ADGRG2: variants seen among roughly 807,000 people sequenced by gnomAD.
The protein encoded by ADGRG2 is adhesion G protein-coupled receptor G2.
A neutral mutation model predicts 74.1 loss-of-function variants in ADGRG2; 26 were observed. The observed-to-expected ratio is 0.35, with a 90% confidence interval of 0.26 to 0.49. ADGRG2 has a LOEUF of 0.49. Among genes scored for constraint, ADGRG2 ranks in the 20% least tolerant of loss-of-function variants. The pLI is 0.99. For missense variants in ADGRG2, 619 were observed against 763.1 expected, an observed-to-expected ratio of 0.81 and a Z score of 2.22; for synonymous variants, 296 against 295.2, an observed-to-expected ratio of 1.00 and a Z score of -0.03.
intron 8 of ADGRG2, chrX:19,031,389 C>T (rs1005099828): frequency 7.3e-5 from 12 of 164,477 alleles, no homozygotes; most frequent in Non-Finnish European, 1.3e-4. Context: ...GGCCCTTAAT[C>T]ATAGATCCTC....
rs1225663518 is a variant in ADGRG2 at position 19,037,524 on chromosome X, T to C, written c.203-34A>G. 6.1e-6 allele frequency: 7 copies of C among 1,153,685 alleles called. No homozygotes were observed. The Admixed American group carries it at 1.4e-4, about 23-fold the overall frequency. ...CCCGAGGAGAAAAACAATACAAAGATATAATTAAAACAAAACTTTAACAAA... is the reference window on the plus strand; with the variant it reads ...CCCGAGGAGAAAAACAATACAAAGACATAATTAAAACAAAACTTTAACAAA... On this transcript the variant is annotated intron_variant, in intron 5 of 28. Transcript: ENST00000379869.
chrX:19,010,099 G>A lies in ADGRG2; in HGVS notation c.1266-317C>T, dbSNP rs868204854. On this transcript the variant is annotated intron_variant, in intron 17 of 28. Coordinates refer to ENST00000379869, the MANE Select transcript of ADGRG2 (RefSeq NM_001079858.3). ...GTTGGGATTACAGGCGTGAGCCATC[G>A]CGCCCAGCCTTGTTTTTGTTTTTGT... Among the ~76,000 whole-genome samples, 4 of 108,296 alleles carry A rather than the reference G, an allele frequency of 3.7e-5. No homozygotes were observed. In the South Asian group the frequency reaches 1.2e-3, roughly 32 times the overall value. The allele number at this position is 108,296 out of a possible 115,157, so 94.0% of individuals were successfully genotyped here. A position where few individuals can be genotyped will look rare whatever the true frequency, so the allele number is the denominator to read the frequency against.
At chrX:19,011,831 T>C (rs1008066378) in intron 16 of ADGRG2, among the ~76,000 whole-genome samples, 3 of 111,000 alleles carry the variant, frequency 2.7e-5, no homozygotes, top group African/African-American at 9.9e-5. Flanking sequence ...GGTGACAGAG[T>C]GAGACTCTCT....
chrX:19,038,155 C>A (rs1354178361), intron 4 of ADGRG2, among the ~76,000 whole-genome samples: 1 of 112,077 alleles, frequency 8.9e-6, no homozygotes, highest in African/African-American at 3.2e-5. Context: ...GCTATTAAGG[C>A]AATTAATCAA....
chrX:19,064,037 C>T (rs2061526930), intron 3 of ADGRG2, among the ~76,000 whole-genome samples: 1 of 111,914 alleles, frequency 8.9e-6, no homozygotes, highest in Admixed American at 9.4e-5. Context: ...AGGAAGCTGG[C>T]ATATTTAAAT....
chrX:19,108,703 C>A (rs1212129526), intron 1 of ADGRG2, among the ~76,000 whole-genome samples: 1 of 111,427 alleles, frequency 9.0e-6, no homozygotes, highest in Non-Finnish European at 1.9e-5. Flanking sequence ...AGAACAGGCA[C>A]AATATGTGGC....
At chrX:19,091,106 A>T (rs1299546185) in intron 1 of ADGRG2, among the ~76,000 whole-genome samples, 1 of 111,559 alleles carries the variant, frequency 9.0e-6, no homozygotes, top group Non-Finnish European at 1.9e-5. Context: ...CACTCATGTA[A>T]GGAACTGAAG....
chrX:19,042,493 C>T (rs749016853), intron 3 of ADGRG2, among the ~76,000 whole-genome samples: 1 of 111,423 alleles, frequency 9.0e-6, no homozygotes, highest in South Asian at 3.8e-4. Context: ...TCTCCACTGC[C>T]AAATCTGTTG....
intron 1 of ADGRG2, among the ~76,000 whole-genome samples, chrX:19,119,191 T>TA: frequency 8.9e-6 from 1 of 112,256 alleles, no homozygotes; most frequent in South Asian, 3.7e-4. Flanking sequence ...TGTAATAAGT[T>TA]ACACTTCAAT....
intron 13 of ADGRG2, among the ~76,000 whole-genome samples, chrX:19,022,697 TA>T (rs886966250): frequency 1.1e-4 from 12 of 111,592 alleles, no homozygotes; most frequent in South Asian, 3.8e-4. Flanking sequence ...TCTCTTTCTT[TA>T]AAAAAAATTT....
In ADGRG2 at chrX:19,071,884, C is replaced by A. The variant is rs1031393388; in HGVS notation, c.-1-3049G>T. On this transcript the variant is annotated intron_variant, in intron 2 of 28. Coordinates refer to ENST00000379869, the MANE Select transcript of ADGRG2 (RefSeq NM_001079858.3). ...GAACTTCAGTGCCACAGAAAATGCTCTCCTCTACAAATAGGCTTGACTGTA... is the reference window on the plus strand; with the variant it reads ...GAACTTCAGTGCCACAGAAAATGCTATCCTCTACAAATAGGCTTGACTGTA... 8.1e-5 allele frequency among the ~76,000 whole-genome samples: 9 copies of A among 110,916 alleles called. No individual in the cohort carries two copies. The East Asian group carries it at 1.4e-3, about 17-fold the overall frequency.
Position 19,011,227 on chromosome X carries a change from C to T in ADGRG2, c.1100-449G>A, listed in dbSNP as rs759163848. Among the ~76,000 whole-genome samples the T allele has an allele frequency of 2.7e-5, 3 of 111,051 alleles. No individual in the cohort carries two copies. The East Asian group carries it at 8.5e-4, about 31-fold the overall frequency. On this transcript the variant is annotated intron_variant, in intron 16 of 28. Coordinates refer to ENST00000379869, the MANE Select transcript of ADGRG2 (RefSeq NM_001079858.3). ...GAAACAGATCAGTGGTGGCCAGGGG[C>T]TGGGGGTGAGGGGATTAGGTTTTGA...
At chrX:18,995,223 A>G (rs1407423956) in intron 27 of ADGRG2, among the ~76,000 whole-genome samples, 175 bp from the exon 28 acceptor site, 1 of 112,388 alleles carries the variant, frequency 8.9e-6, no homozygotes, top group Non-Finnish European at 1.9e-5. Flanking sequence ...GATTATTTAC[A>G]TTTGTCCTTC....
Position 18,999,867 on chromosome X carries a change from T to G in ADGRG2, c.2324A>C (p.Asp775Ala). ...TAGGGGGCTTTGTACTCACAAGTCATCCGGTGAACCATTGGGGAATTTCCC... is the reference window on the plus strand; with the variant it reads ...TAGGGGGCTTTGTACTCACAAGTCAGCCGGTGAACCATTGGGGAATTTCCC... ...SYGKFPNGSPDDFCWINNNAV... is the reference protein window; with the variant it reads ...SYGKFPNGSPADFCWINNNAV... Residue 775 changes from aspartate (D) to alanine (A), a missense_variant, in exon 25 of 29, where the codon GAT (aspartate) becomes GCT (alanine). By Grantham distance (126) the Asp-to-Ala change is moderately radical. Coordinates refer to ENST00000379869, the MANE Select transcript of ADGRG2 (RefSeq NM_001079858.3). 1 of 1,152,674 alleles carries G rather than the reference T, an allele frequency of 8.7e-7. No homozygotes were observed. The highest frequency in any genetic ancestry group is 1.8e-5 in the South Asian group (1 of 55,685). The allele number at this position is 1,152,674 out of a possible 1,213,427, so 95.0% of individuals were successfully genotyped here. A position where few individuals can be genotyped will look rare whatever the true frequency, so the allele number is the denominator to read the frequency against.
intron 27 of ADGRG2, 125 bp downstream of exon 27, chrX:18,995,926 T>G: frequency 2.3e-6 from 1 of 439,491 alleles, no homozygotes; most frequent in Non-Finnish European, 4.1e-6. Context: ...CAATATTTTC[T>G]GTTGAGCAAA....
intron 2 of ADGRG2, among the ~76,000 whole-genome samples, chrX:19,077,514 CAAAAA>C (rs78215190): frequency 2.5e-5 from 1 of 40,284 alleles, no homozygotes. Flanking sequence ...AACTCTATTT[CAAAAA>C]AAAAAAAAAA....
intron 18 of ADGRG2, among the ~76,000 whole-genome samples, chrX:19,009,295 A>G (rs1215033429): frequency 9.1e-6 from 1 of 109,641 alleles, no homozygotes; most frequent in Non-Finnish European, 1.9e-5. Context: ...CTCCTGCCTC[A>G]GCCTCCTGAG....
chrX:19,101,123 G>A (rs2062182017), intron 1 of ADGRG2, among the ~76,000 whole-genome samples: 1 of 109,101 alleles, frequency 9.2e-6, no homozygotes, highest in African/African-American at 3.3e-5. Flanking sequence ...GTGTGTGTGT[G>A]TGTGTGTGTG....
rs1463165209 is a variant in ADGRG2, at chrX:19,076,946, A to G, written c.-2+5756T>C. Among the ~76,000 whole-genome samples, 5 of 111,959 alleles carry G rather than the reference A, an allele frequency of 4.5e-5. No homozygotes were observed. The East Asian group carries it at 1.4e-3, about 31-fold the overall frequency. On this transcript the variant is annotated intron_variant, in intron 2 of 28. Transcript: ENST00000379869. ...GAAATTCAAAAATTAAAGTCTTTCA[A>G]GGTCCTTGGATTATACTAGAGGAAG...
Sources: gnomAD v4.1 joint callset for allele counts (sites outside exome capture counted in the v4.1 genomes callset) on GRCh38, gnomAD v4.1.1 for gene constraint, MANE v1.5 for transcripts, NCBI Gene and HGNC (gene_info 2026-07-23, HGNC 2026-07-21) for gene names.